Variants in ABCC5 observed in about 807,000 individuals in gnomAD.
The protein encoded by ABCC5 is ATP binding cassette subfamily C member 5.
ABCC5 carries 61 observed loss-of-function variants against 160.9 expected under a neutral mutation model. The ratio of observed to expected loss-of-function variants is 0.38; its 90% CI spans 0.31 to 0.47. The LOEUF is 0.47. Among genes scored for constraint, ABCC5 ranks in the 20% least tolerant of loss-of-function variants. ABCC5 has a pLI of 0.99. For missense variants in ABCC5, 1,308 were observed against 1,813.3 expected, an observed-to-expected ratio of 0.72 and a Z score of 5.06; for synonymous variants, 666 against 700.6, an observed-to-expected ratio of 0.95 and a Z score of 0.78.
chr3:183,944,114 C>T (rs75791968), intron 24 of ABCC5, among the ~76,000 whole-genome samples: 1 of 152,134 alleles, frequency 6.6e-6, no homozygotes, highest in African/African-American at 2.4e-5. Flanking sequence ...TTTTTCAGGC[C>T]GGACACTATG....
intron 2 of ABCC5, among the ~76,000 whole-genome samples, chr3:184,003,917 T>G (rs771535556): frequency 2.0e-5 from 3 of 152,130 alleles, no homozygotes; most frequent in Admixed American, 6.6e-5. Flanking sequence ...CAGGAAACAC[T>G]TGGAGCCATT....
chr3:183,959,629 A>G, intron 17 of ABCC5, 104 bp downstream of exon 17: 1 of 871,660 alleles, frequency 1.1e-6, no homozygotes, highest in Non-Finnish European at 1.8e-6. Context: ...CCAAGTATTT[A>G]TATTGTACAC....
chr3:183,981,917 A>G, intron 7 of ABCC5, 43 bp from the exon 8 acceptor site: 1 of 1,568,702 alleles, frequency 6.4e-7, no homozygotes, highest in African/African-American at 1.4e-5. Flanking sequence ...AGCTCATTCA[A>G]ACTTGAGAAC....
chr3:183,972,917 A>T (rs1174242792), intron 10 of ABCC5, among the ~76,000 whole-genome samples: 1 of 152,180 alleles, frequency 6.6e-6, no homozygotes, highest in Non-Finnish European at 1.5e-5. Context: ...AAGTGCTGGG[A>T]TTACAGGCGT....
rs187787020 is a variant in ABCC5, at chr3:183,942,285, C to T, written c.3694+442G>A. ...AACTCCTCAGGTGATCCACCCGCCT[C>T]GCCCTCCCAAAGTGCTGGGATTACA... On this transcript the variant is annotated intron_variant, in intron 25 of 29. Coordinates refer to ENST00000334444, the MANE Select transcript of ABCC5 (RefSeq NM_005688.4). 120 of 426,632 alleles carry T rather than the reference C, an allele frequency of 2.8e-4. No individual in the cohort carries two copies. In the East Asian group the frequency reaches 4.6e-3, roughly 16 times the overall value. 26.4% of individuals were successfully genotyped at this position (426,632 alleles called of 1,614,324 possible).
chr3:183,967,201 T>C lies in ABCC5; in HGVS notation c.1833+494A>G, dbSNP rs150374413. ...CAAGGCCTTGCTCCCCACTGGACCA[T>C]GAACTCCCCAAGGGCATGACTCTTT... On this transcript the variant is annotated intron_variant, in intron 12 of 29. Coordinates refer to ENST00000334444, the MANE Select transcript of ABCC5 (RefSeq NM_005688.4). 6.4e-5 allele frequency: 11 copies of C among 171,892 alleles called. No individual in the cohort carries two copies. The East Asian group carries it at 1.8e-3, about 28-fold the overall frequency. 10.6% of individuals were successfully genotyped at this position (171,892 alleles called of 1,614,324 possible).
chr3:183,940,318 CA>C (rs1714176580), intron 25 of ABCC5, among the ~76,000 whole-genome samples: 3 of 133,048 alleles, frequency 2.3e-5, no homozygotes, highest in Non-Finnish European at 4.8e-5. Context: ...GCAAACATGG[CA>C]AAACCCTGTC....
Position 183,961,598 on chromosome 3 carries a change from T to A in ABCC5, c.2292A>T (p.Arg764Ser). 1 of 1,614,234 alleles carries A rather than the reference T, an allele frequency of 6.2e-7. No homozygotes were observed. The highest frequency in any genetic ancestry group is 8.5e-7 in the Non-Finnish European group (1 of 1,180,030). The change falls in exon 16 of 30, where the codon AGA becomes AGT. Residue 764 changes from arginine to serine, a missense_variant. By Grantham distance (110) the Arg-to-Ser change is moderately radical. This residue lies in a region of ABCC5 where 1,142 missense variants were observed against 1,527.1 expected (regional missense o/e 0.75). Transcript: ENST00000334444. Reference sequence around the variant, plus strand: ...AATTCATCAGTTCCTCATGGGTGCCTCTTTCCGTAATACAGCCCTCTTTCA... The same window carrying A: ...AATTCATCAGTTCCTCATGGGTGCCACTTTCCGTAATACAGCCCTCTTTCA... ...IFMKEGCITE[R>S]GTHEELMNLN...
chr3:184,016,653 GAAGA>G (rs1473058873), intron 1 of ABCC5, among the ~76,000 whole-genome samples: 2 of 152,180 alleles, frequency 1.3e-5, no homozygotes, highest in African/African-American at 4.8e-5. Flanking sequence ...ATCAAGAGAG[GAAGA>G]AAGAGAAGGG....
chr3:183,979,689 T>A (rs1056520212), intron 8 of ABCC5, among the ~76,000 whole-genome samples: 1 of 151,994 alleles, frequency 6.6e-6, no homozygotes, highest in Admixed American at 6.5e-5. Context: ...CAAGTGATCC[T>A]CCCATCTTAG....
intron 18 of ABCC5, 141 bp from the exon 19 acceptor site, chr3:183,952,144 CTTTTTTT>C (rs34905378): frequency 3.3e-4 from 124 of 373,826 alleles, no homozygotes; most frequent in South Asian, 7.4e-4. Flanking sequence ...TTGTCCACCT[CTTTTTTT>C]TTTTTTTTTT....
intron 28 of ABCC5, among the ~76,000 whole-genome samples, chr3:183,926,075 C>A (rs1311580825): frequency 6.8e-6 from 1 of 148,008 alleles, no homozygotes; most frequent in Non-Finnish European, 1.5e-5. Flanking sequence ...CCTGACCTTG[C>A]GATCCACCTG....
intron 25 of ABCC5, among the ~76,000 whole-genome samples, chr3:183,938,855 C>T (rs1371024956): frequency 2.6e-5 from 4 of 152,188 alleles, no homozygotes; most frequent in Non-Finnish European, 5.9e-5. Context: ...TAAATAAACA[C>T]ATACGGGAAG....
rs1716544726 is a variant in ABCC5, at chr3:183,959,678, G to A, written c.2482+55C>T. On this transcript the variant is annotated intron_variant, in intron 17 of 29. Coordinates refer to ENST00000334444, the MANE Select transcript of ABCC5 (RefSeq NM_005688.4). ...ACATCATGAATTACTTACTACACAA[G>A]TTATTTCTGATAAACTTTGATGACA... The A allele has an allele frequency of 2.3e-6, 3 of 1,315,766 alleles. No homozygotes were observed. The East Asian group carries it at 6.9e-5, about 30-fold the overall frequency. The allele number at this position is 1,315,766 out of a possible 1,614,324, so 81.5% of individuals were successfully genotyped here.
chr3:183,971,429 C>T (rs1246300382), intron 11 of ABCC5, 134 bp downstream of exon 11: 17 of 730,184 alleles, frequency 2.3e-5, no homozygotes, highest in Non-Finnish European at 3.8e-5. Context: ...TAGAGCTGGT[C>T]TAATTTGCTC....
chr3:183,938,843 G>C (rs1047857934), intron 25 of ABCC5, among the ~76,000 whole-genome samples: 1 of 152,176 alleles, frequency 6.6e-6, no homozygotes, highest in Non-Finnish European at 1.5e-5. Context: ...AAGTTCCAGG[G>C]ATAAATAAAC....
intron 12 of ABCC5, among the ~76,000 whole-genome samples, chr3:183,966,101 T>C (rs1717196598): frequency 6.6e-6 from 1 of 152,218 alleles, no homozygotes; most frequent in African/African-American, 2.4e-5. Flanking sequence ...ACTTATCCAT[T>C]TTACCCCCTT....
At chr3:183,975,318 G>A (rs776667116) in intron 10 of ABCC5, among the ~76,000 whole-genome samples, 50 of 152,056 alleles carry the variant, frequency 3.3e-4, no homozygotes, top group African/African-American at 9.7e-4. Context: ...CTTAGAGTTC[G>A]GGAGGAATTA....
rs1172906543 is a variant in ABCC5 at position 183,959,719 on chromosome 3, A to G, written c.2482+14T>C. 1.3e-6 allele frequency: 2 copies of G among 1,580,954 alleles called. No homozygotes were observed. Among genetic ancestry groups the G allele is most frequent in the Non-Finnish European group, 1.7e-6 (2 of 1,163,888 alleles). On this transcript the variant is annotated intron_variant, in intron 17 of 29. Transcript: ENST00000334444. ...TTTGATGACAAATCTAAAAATTTCAAAAAAGGCCATTACCTTCCTCTGGCT... is the reference window on the plus strand; with the variant it reads ...TTTGATGACAAATCTAAAAATTTCAGAAAAGGCCATTACCTTCCTCTGGCT...
Sources: gnomAD v4.1 joint callset for allele counts (sites outside exome capture counted in the v4.1 genomes callset) on GRCh38, gnomAD v4.1.1 for gene constraint, gnomAD v4.1.1 regional missense constraint, MANE v1.5 for transcripts, NCBI Gene and HGNC (gene_info 2026-07-23, HGNC 2026-07-21) for gene names.